Variants in OR1J2 observed in about 807,000 individuals in gnomAD.
The protein encoded by OR1J2 is olfactory receptor family 1 subfamily J member 2.
For synonymous variants in OR1J2, 142 were observed against 99.7 expected, an observed-to-expected ratio of 1.42 and a Z score of -2.52; for missense variants, 304 against 246.1, an observed-to-expected ratio of 1.24 and a Z score of -1.57.
chr9:122,529,970 A>C, the OR1J2 span, among the ~76,000 whole-genome samples: 3 of 152,356 alleles, frequency 2.0e-5, no homozygotes, highest in Non-Finnish European at 4.4e-5. Context: ...CTTCCTGACA[A>C]TCTTTGTGAT....
At chr9:122,505,302 CTT>C in the OR1J2 span, among the ~76,000 whole-genome samples, 1 of 152,214 alleles carries the variant, frequency 6.6e-6, no homozygotes, top group Non-Finnish European at 1.5e-5. Flanking sequence ...TCTGCAGAGT[CTT>C]GAGGCAGTTC....
chr9:122,500,108 CCA>C, the OR1J2 span, among the ~76,000 whole-genome samples: 1 of 152,226 alleles, frequency 6.6e-6, no homozygotes, highest in Non-Finnish European at 1.5e-5. Context: ...GCTTGCACAG[CCA>C]CACTGTCAAA....
the OR1J2 span, among the ~76,000 whole-genome samples, chr9:122,455,138 G>T: frequency 6.6e-6 from 1 of 152,162 alleles, no homozygotes; most frequent in African/African-American, 2.4e-5. Context: ...CATTTGTGTT[G>T]TTTCCACTTT....
the OR1J2 span, among the ~76,000 whole-genome samples, chr9:122,497,537 G>A: frequency 6.6e-6 from 1 of 151,976 alleles, no homozygotes; most frequent in Non-Finnish European, 1.5e-5. Context: ...ATTTTTTATT[G>A]TGCTTATTTG....
chr9:122,516,114 G>T (rs1828697097), downstream of OR1J2, among the ~76,000 whole-genome samples: 1 of 152,052 alleles, frequency 6.6e-6, no homozygotes, highest in South Asian at 2.1e-4. Context: ...CCTAAGATGT[G>T]CACTACCTTG....
At chr9:122,568,398 G>A in the OR1J2 span, 2 of 1,613,476 alleles carry the variant, frequency 1.2e-6, no homozygotes, top group Non-Finnish European at 1.7e-6. Flanking sequence ...AACAAAGAGT[G>A]TCTTTTGGTC....
chr9:122,540,907 G>C, the OR1J2 span, among the ~76,000 whole-genome samples: 1 of 152,014 alleles, frequency 6.6e-6, no homozygotes, highest in African/African-American at 2.4e-5. Flanking sequence ...TCATGATTTG[G>C]CTCTCTGTTT....
the OR1J2 span, among the ~76,000 whole-genome samples, chr9:122,571,106 C>T: frequency 6.6e-6 from 1 of 152,192 alleles, no homozygotes. Context: ...CCTCTTGCCA[C>T]ACAAATACAC....
chr9:122,469,905 C>A, the OR1J2 span, among the ~76,000 whole-genome samples: 1 of 152,060 alleles, frequency 6.6e-6, no homozygotes, highest in Non-Finnish European at 1.5e-5. Context: ...GGGTACCTGG[C>A]AGAAGAAATT....
chr9:122,494,109 C>T, the OR1J2 span, among the ~76,000 whole-genome samples: 1 of 152,038 alleles, frequency 6.6e-6, no homozygotes. Context: ...ATTGTATGGT[C>T]TATTGGGAGA....
the OR1J2 span, among the ~76,000 whole-genome samples, chr9:122,453,787 T>TC: frequency 6.6e-6 from 1 of 152,198 alleles, no homozygotes; most frequent in Non-Finnish European, 1.5e-5. Flanking sequence ...CAAACTAGAC[T>TC]CCAATATGCT....
At chr9:122,532,729 C>T in the OR1J2 span, among the ~76,000 whole-genome samples, 26 of 152,162 alleles carry the variant, frequency 1.7e-4, no homozygotes, top group Non-Finnish European at 3.2e-4. Flanking sequence ...AGCCGCTGCA[C>T]GGAGACATGA....
downstream of OR1J2, among the ~76,000 whole-genome samples, chr9:122,512,036 G>A (rs1828647739): frequency 6.6e-6 from 1 of 152,190 alleles, no homozygotes. Context: ...TTGAGGAGAT[G>A]TTTGGAGACA....
the OR1J2 span, chr9:122,527,313 C>A: frequency 6.6e-7 from 1 of 1,510,446 alleles, no homozygotes; most frequent in South Asian, 1.2e-5. Context: ...GCATCTGGAG[C>A]TGAGGGAAGA....
chr9:122,561,379 G>A, the OR1J2 span, among the ~76,000 whole-genome samples: 2 of 152,162 alleles, frequency 1.3e-5, no homozygotes, highest in African/African-American at 4.8e-5. Flanking sequence ...TCACGCCCTT[G>A]CTGGAGAGGT....
the OR1J2 span, among the ~76,000 whole-genome samples, chr9:122,504,316 ATCTACCATGGATACC>A: frequency 2.4e-4 from 36 of 152,200 alleles, no homozygotes; most frequent in Admixed American, 2.2e-3. Context: ...TAATGCCACT[ATCTACCATGGATACC>A]TCTACCACCA....
chr9:122,550,927 A>G, the OR1J2 span, among the ~76,000 whole-genome samples: 5 of 151,720 alleles, frequency 3.3e-5, no homozygotes, highest in Non-Finnish European at 2.9e-5. Context: ...AATCAGGGAA[A>G]AAAAAAAAAG....
At chr9:122,467,908 G>A in the OR1J2 span, among the ~76,000 whole-genome samples, 1 of 152,174 alleles carries the variant, frequency 6.6e-6, no homozygotes, top group South Asian at 2.1e-4. Context: ...ACTGATCTGT[G>A]TATTACATTA....
the OR1J2 span, among the ~76,000 whole-genome samples, chr9:122,548,589 T>TTATATATATATATATATATATATATATA: frequency 9.9e-5 from 15 of 151,274 alleles, no homozygotes; most frequent in Non-Finnish European, 2.1e-4. Flanking sequence ...TTTAAAATTT[T>TTATATATATATATATATATATATATATA]TATATATATA....
Sources: allele counts gnomAD v4.1 joint callset (sites outside exome capture counted in the v4.1 genomes callset), GRCh38; gene constraint gnomAD v4.1.1; transcripts MANE v1.5; gene names NCBI Gene and HGNC (gene_info 2026-07-23, HGNC 2026-07-21).